LINGO1: variants seen among roughly 807,000 people sequenced by gnomAD.
LINGO1 encodes leucine-rich repeat and immunoglobulin-like domain-containing nogo receptor-interacting protein 1.
In LINGO1, 11 loss-of-function variants were observed where a neutral mutation model predicts 37.3. The ratio of observed to expected loss-of-function variants is 0.29; its 90% CI spans 0.19 to 0.49. LINGO1 has a LOEUF of 0.49. Ranked by LOEUF, LINGO1 falls within the 20% of genes least tolerant of loss-of-function variation. LINGO1 has a pLI of 0.99. For synonymous variants in LINGO1, 387 were observed against 403.0 expected (o/e 0.96, Z 0.48); for missense variants, 585 against 878.2 (o/e 0.67, Z 4.22).
intron 3 of LINGO1, among the ~76,000 whole-genome samples, chr15:77,662,214 G>C (rs1392874526): frequency 6.6e-6 from 1 of 152,132 alleles, no homozygotes; most frequent in Admixed American, 6.5e-5. Context: ...GTCAGGTAGG[G>C]TTAGCAGAGG....
chr15:77,694,411 G>A (rs2075655712), intron 1 of LINGO1, among the ~76,000 whole-genome samples: 1 of 152,012 alleles, frequency 6.6e-6, no homozygotes. Context: ...ATTCTCCGTG[G>A]CCTCACACCC....
At chr15:77,810,797 A>T (rs1259653158) in intron 1 of LINGO1, among the ~76,000 whole-genome samples, 1 of 152,174 alleles carries the variant, frequency 6.6e-6, no homozygotes, top group African/African-American at 2.4e-5. Context: ...AACCCCAAGG[A>T]GGCGGGGAAG....
At chr15:77,682,277 AGTGTGTGTGTGTGTGTGTGTGT>A (rs10581838) in intron 2 of LINGO1, among the ~76,000 whole-genome samples, 1 of 139,832 alleles carries the variant, frequency 7.2e-6, no homozygotes, top group African/African-American at 2.7e-5. Flanking sequence ...TAGAGATTAA[AGTGTGTGTGTGTGTGTGTGTGT>A]GTGTGTGTGT....
chr15:77,715,914 T>C (rs2075978424), intron 2 of LINGO1, among the ~76,000 whole-genome samples: 1 of 152,198 alleles, frequency 6.6e-6, no homozygotes, highest in African/African-American at 2.4e-5. Context: ...CATCAGGTGT[T>C]TGAGGCTGGT....
intron 1 of LINGO1, among the ~76,000 whole-genome samples, chr15:77,741,176 C>G (rs1414307541): frequency 6.6e-6 from 1 of 152,228 alleles, no homozygotes; most frequent in Non-Finnish European, 1.5e-5. Flanking sequence ...GGAAGGCACT[C>G]TCAGCAGGGG....
intron 2 of LINGO1, among the ~76,000 whole-genome samples, chr15:77,704,310 G>A (rs1328373664): frequency 6.6e-6 from 1 of 152,164 alleles, no homozygotes; most frequent in Non-Finnish European, 1.5e-5. Context: ...TGCCCCTGAG[G>A]CTACACATAG....
intron 1 of LINGO1, among the ~76,000 whole-genome samples, chr15:77,800,500 A>T (rs1437901634): frequency 6.6e-6 from 1 of 152,112 alleles, no homozygotes; most frequent in Non-Finnish European, 1.5e-5. Flanking sequence ...GCATGGACGG[A>T]TGGGGCCACC....
intron 1 of LINGO1, among the ~76,000 whole-genome samples, chr15:77,803,938 C>T (rs1315569983): frequency 6.6e-6 from 1 of 152,176 alleles, no homozygotes; most frequent in East Asian, 1.9e-4. Context: ...GTTCTCAGCC[C>T]CTAAGCCACG....
At chr15:77,676,471 C>A (rs2075329325) in intron 3 of LINGO1, among the ~76,000 whole-genome samples, 1 of 152,174 alleles carries the variant, frequency 6.6e-6, no homozygotes, top group South Asian at 2.1e-4. Context: ...CCATCCTATT[C>A]CTTGGGGGAT....
chr15:77,692,444 T>C (rs1169838163), intron 1 of LINGO1, among the ~76,000 whole-genome samples: 3 of 152,190 alleles, frequency 2.0e-5, no homozygotes, highest in Non-Finnish European at 4.4e-5. Context: ...TTTAATTTCA[T>C]GGCAAATCTT....
At chr15:77,757,383 G>T (rs1365780042) in intron 1 of LINGO1, among the ~76,000 whole-genome samples, 3 of 152,164 alleles carry the variant, frequency 2.0e-5, no homozygotes, top group Non-Finnish European at 4.4e-5. Context: ...CATCATATGG[G>T]GGGTGGTCCA....
chr15:77,679,954 G>C (rs986056941), intron 2 of LINGO1, among the ~76,000 whole-genome samples: 32 of 152,236 alleles, frequency 2.1e-4, no homozygotes, highest in African/African-American at 7.2e-4. Context: ...CTTTGTACCA[G>C]AGAATTTTAT....
Position 77,614,381 on chromosome 15 carries a change from G to C in LINGO1, c.1526C>G (p.Pro509Arg), listed in dbSNP as rs773291643. 6.2e-7 allele frequency: 1 copy of C among 1,613,624 alleles called. No individual in the cohort carries two copies. Among genetic ancestry groups the C allele is most frequent in the Non-Finnish European group, 8.5e-7 (1 of 1,179,842 alleles). ...AANAGGNDSM[P>R]AHLHVRSYSP... is the part of the protein sequence containing the mutation. ...GTAGCTGCGCACATGCAGGTGGGCG[G>C]GCATGGAGTCGTTGCCGCCCGCGTT... The change falls in exon 2 of 2, where the codon CCC becomes CGC. Residue 509 changes from proline (P) to arginine (R), a missense_variant. Pro to Arg is a moderately radical substitution (Grantham distance 103). This residue lies in a region of LINGO1 where 484 missense variants were observed against 735.0 expected (regional missense o/e 0.66). Transcript: ENST00000355300.
chr15:77,806,057 CTG>C lies in LINGO1; in HGVS notation c.-457-10006_-457-10005del, dbSNP rs1315521584. ...TCCACCTCTCCTCGGCAGCTATGGA[CTG>C]TGAGTCCATCCCGGAGAAATCAGTC... is the stretch of plus-strand genomic sequence containing the variant. On this transcript the variant is annotated intron_variant, in intron 1 of 5. Coordinates refer to the LINGO1 transcript ENST00000562933. Among the ~76,000 whole-genome samples the C allele has an allele frequency of 2.0e-5, 3 of 152,296 alleles. No homozygotes were observed. In the East Asian group the frequency reaches 5.8e-4, roughly 30 times the overall value.
intron 2 of LINGO1, among the ~76,000 whole-genome samples, chr15:77,683,179 G>A (rs938602763): frequency 8.5e-5 from 13 of 152,194 alleles, no homozygotes; most frequent in African/African-American, 3.1e-4. Flanking sequence ...AGACCATAGT[G>A]AGATATTTTT....
chr15:77,676,865 T>C (rs530328486), intron 3 of LINGO1, among the ~76,000 whole-genome samples: 1 of 152,170 alleles, frequency 6.6e-6, no homozygotes, highest in African/African-American at 2.4e-5. Flanking sequence ...TGAGGAAGAA[T>C]GGCTGAGGCG....
intron 1 of LINGO1, among the ~76,000 whole-genome samples, chr15:77,738,848 A>C (rs1188788776): frequency 6.6e-6 from 1 of 152,126 alleles, no homozygotes; most frequent in Admixed American, 6.5e-5. Context: ...AGCCAACTCT[A>C]CCAGACTCCG....
chr15:77,721,235 T>C (rs531982878), intron 2 of LINGO1, among the ~76,000 whole-genome samples: 1 of 151,148 alleles, frequency 6.6e-6, no homozygotes, highest in African/African-American at 2.4e-5. Context: ...CCTCCAGCCA[T>C]ACCTCCCCAA....
chr15:77,819,215 G>C (rs1427523963), intron 1 of LINGO1: 13 of 149,110 alleles, frequency 8.7e-5, no homozygotes, highest in Admixed American at 8.0e-4. Context: ...CGGCTCCCCG[G>C]CCTGCGCCCC....
Sources: allele counts gnomAD v4.1 joint callset (sites outside exome capture counted in the v4.1 genomes callset), GRCh38; gene constraint gnomAD v4.1.1; regional missense constraint gnomAD v4.1.1; transcripts MANE v1.5; gene names NCBI Gene and HGNC (gene_info 2026-07-23, HGNC 2026-07-21).